Variants in DHRSX observed in about 807,000 individuals in gnomAD.
DHRSX encodes the protein polyprenol dehydrogenase.
A neutral mutation model predicts 34.0 loss-of-function variants in DHRSX; 31 were observed. That is an observed-to-expected ratio of 0.91 (90% CI 0.69 to 1.23). The LOEUF (loss-of-function observed/expected upper bound fraction) is 1.23, where lower values mean the gene tolerates loss of function less well. Among genes scored for constraint, DHRSX ranks in the 50% most tolerant of loss-of-function variants. The pLI is 0.00. For synonymous variants in DHRSX, 201 were observed against 183.8 expected (o/e 1.09, Z -0.76); for missense variants, 414 against 428.1 (o/e 0.97, Z 0.29).
chrX:2,335,958 A>G (rs1479826384), intron 3 of DHRSX, among the ~76,000 whole-genome samples: 1 of 151,936 alleles, frequency 6.6e-6, no homozygotes, highest in Non-Finnish European at 1.5e-5. Flanking sequence ...AGCTCTTTCA[A>G]CTTCTGAGTC....
chrX:2,285,805 C>T (rs1243332687), intron 4 of DHRSX, among the ~76,000 whole-genome samples: 6 of 152,300 alleles, frequency 3.9e-5, no homozygotes, highest in East Asian at 1.9e-4. Flanking sequence ...TTGCACACAA[C>T]GAAGAAGAAT....
chrX:2,454,292 T>G (rs1326666205), intron 1 of DHRSX, among the ~76,000 whole-genome samples: 1 of 151,990 alleles, frequency 6.6e-6, no homozygotes, highest in Non-Finnish European at 1.5e-5. Context: ...TTTGGGAGGC[T>G]GAGGCGGGTG....
chrX:2,455,343 G>A lies in DHRSX; in HGVS notation c.110-30039C>T, dbSNP rs561341545. The stretch of plus-strand genomic sequence containing the variant: ...GGATTGAAAAATTACCTATCAGGTG[G>A]TAGTAGGCTTATTACCTGGTTGATG... On this transcript the variant is annotated intron_variant, in intron 1 of 6. Coordinates refer to ENST00000334651, the MANE Select transcript of DHRSX (RefSeq NM_145177.3). Among the ~76,000 whole-genome samples, 4 of 151,332 alleles carry A rather than the reference G, an allele frequency of 2.6e-5. 1 individual carries two copies. Among genetic ancestry groups the A allele is most frequent in the African/African-American group, 9.8e-5 (4 of 40,768 alleles).
intron 3 of DHRSX, among the ~76,000 whole-genome samples, chrX:2,320,214 C>T (rs1202474627): frequency 6.6e-6 from 1 of 151,698 alleles, no homozygotes; most frequent in Non-Finnish European, 1.5e-5. Context: ...AGAACTTGCC[C>T]ATTCATTTAC....
chrX:2,267,071 C>T (rs1277432590), intron 4 of DHRSX, 124 bp from the exon 5 acceptor site: 2 of 915,268 alleles, frequency 2.2e-6, no homozygotes, highest in African/African-American at 3.3e-5. Context: ...AGCTGGCGGC[C>T]ATGTCTTCCT....
intron 3 of DHRSX, among the ~76,000 whole-genome samples, chrX:2,330,614 AAGGAGG>A (rs375512346): frequency 1.2e-4 from 17 of 146,914 alleles, no homozygotes; most frequent in African/African-American, 4.0e-4. Context: ...GGAGAAGGAG[AAGGAGG>A]AGGAGAGAAA....
chrX:2,332,008 T>C (rs2042484777), intron 3 of DHRSX, among the ~76,000 whole-genome samples: 1 of 152,158 alleles, frequency 6.6e-6, no homozygotes, highest in Non-Finnish European at 1.5e-5. Flanking sequence ...ATTGTTAGTA[T>C]TGTTTACCAA....
At chrX:2,432,115 A>G (rs1272580791) in intron 1 of DHRSX, among the ~76,000 whole-genome samples, 2 of 151,608 alleles carry the variant, frequency 1.3e-5, no homozygotes, top group Non-Finnish European at 2.9e-5. Context: ...GATCGCTTGA[A>G]CCCGGGAGGT....
intron 3 of DHRSX, among the ~76,000 whole-genome samples, chrX:2,382,840 CCATCATCATTATCACCAT>C (rs916308857): frequency 1.0e-5 from 1 of 97,074 alleles, no homozygotes; most frequent in Non-Finnish European, 2.2e-5. Context: ...ATCATCATCG[CCATCATCATTATCACCAT>C]CATCATCACT....
At chrX:2,409,130 A>C (rs1321854987) in intron 2 of DHRSX, among the ~76,000 whole-genome samples, 1 of 152,210 alleles carries the variant, frequency 6.6e-6, no homozygotes, top group Non-Finnish European at 1.5e-5. Context: ...GCATAAGCAT[A>C]AAAAATGTGC....
At chrX:2,366,186 A>T (rs2042992269) in intron 3 of DHRSX, among the ~76,000 whole-genome samples, 5 of 152,266 alleles carry the variant, frequency 3.3e-5, no homozygotes, top group African/African-American at 1.2e-4. Context: ...ACACACCTTT[A>T]ATCCCAGCAC....
intron 5 of DHRSX, among the ~76,000 whole-genome samples, chrX:2,259,317 TATAG>T (rs751479842): frequency 3.1e-4 from 45 of 147,090 alleles, no homozygotes; most frequent in South Asian, 1.1e-3. Flanking sequence ...GATATAGATA[TATAG>T]ATAGATATAG....
At chrX:2,395,520 C>T (rs1412100119) in intron 3 of DHRSX, among the ~76,000 whole-genome samples, 5 of 152,134 alleles carry the variant, frequency 3.3e-5, no homozygotes, top group Non-Finnish European at 5.9e-5. Context: ...ATCTGGAACC[C>T]CGGCTGCTTG....
intron 3 of DHRSX, among the ~76,000 whole-genome samples, chrX:2,346,910 T>C (rs1361454374): frequency 2.0e-5 from 3 of 152,144 alleles, no homozygotes; most frequent in Non-Finnish European, 2.9e-5. Flanking sequence ...TTTGGTTTTC[T>C]GTCCTTGTGA....
intron 4 of DHRSX, among the ~76,000 whole-genome samples, chrX:2,271,786 C>A (rs2041558717): frequency 6.6e-6 from 1 of 152,044 alleles, no homozygotes; most frequent in South Asian, 2.1e-4. Context: ...TGCCTGTAAT[C>A]CTCCCAGCAC....
rs144132829 is a variant in DHRSX at position 2,379,692 on chromosome X, C to T, written c.286+29053G>A. ...TCTATCCAGGAGAGCTCATGAAGGA[C>T]CCTGTCAGTGTGGGGGGCATCCAAA... On this transcript the variant is annotated intron_variant, in intron 3 of 6. Coordinates refer to ENST00000334651, the MANE Select transcript of DHRSX (RefSeq NM_145177.3). 8.9e-3 allele frequency among the ~76,000 whole-genome samples: 1,314 copies of T among 147,608 alleles called. 33 individuals are homozygous for T. The East Asian group carries it at 0.097, about 11-fold the overall frequency.
chrX:2,481,005 A>C (rs2044760332), intron 1 of DHRSX, among the ~76,000 whole-genome samples: 1 of 152,138 alleles, frequency 6.6e-6, no homozygotes, highest in South Asian at 2.1e-4. Context: ...CAGAGTTAGG[A>C]TTATGTGAAT....
intron 1 of DHRSX, among the ~76,000 whole-genome samples, chrX:2,492,888 T>C (rs1416473058): frequency 6.6e-6 from 1 of 152,230 alleles, no homozygotes; most frequent in Non-Finnish European, 1.5e-5. Context: ...TAAAGCAAGG[T>C]ATTCTGAAGG....
chrX:2,479,034 C>T (rs1215186890), intron 1 of DHRSX, among the ~76,000 whole-genome samples: 7 of 150,906 alleles, frequency 4.6e-5, no homozygotes, highest in Non-Finnish European at 7.4e-5. Flanking sequence ...ATTCCCTAAG[C>T]ATGTAGCCCA....
Sources: gnomAD v4.1 joint callset for allele counts (sites outside exome capture counted in the v4.1 genomes callset) on GRCh38, gnomAD v4.1.1 for gene constraint, MANE v1.5 for transcripts, NCBI Gene and HGNC (gene_info 2026-07-23, HGNC 2026-07-21) for gene names.